XRCC4: variants seen among roughly 807,000 people sequenced by gnomAD.
The protein encoded by XRCC4 is DNA repair protein XRCC4.
XRCC4 carries 28 observed loss-of-function variants against 39.1 expected under a neutral mutation model. The observed-to-expected ratio is 0.72, with a 90% CI of 0.53 to 0.98. The LOEUF is 0.98. Ranked by LOEUF, XRCC4 falls within the 50% of genes least tolerant of loss-of-function variation. The pLI, the probability that XRCC4 is intolerant of heterozygous loss-of-function variation, is 0.00. For missense variants in XRCC4, 350 were observed against 376.4 expected (o/e 0.93, Z 0.58); for synonymous variants, 123 against 126.4 (o/e 0.97, Z 0.18).
At chr5:83,097,481 A>G (rs1016560780) in intron 1 of XRCC4, among the ~76,000 whole-genome samples, 7 of 152,054 alleles carry the variant, frequency 4.6e-5, no homozygotes, top group African/African-American at 1.7e-4. Flanking sequence ...GGAAAAAAGT[A>G]CATTGTTTAT....
intron 7 of XRCC4, among the ~76,000 whole-genome samples, chr5:83,307,711 G>A (rs926994552): frequency 6.6e-6 from 1 of 152,144 alleles, no homozygotes; most frequent in African/African-American, 2.4e-5. Flanking sequence ...TTATTTAGGA[G>A]CAGAAAGCAT....
chr5:83,186,901 A>G (rs1198910299), intron 3 of XRCC4, among the ~76,000 whole-genome samples: 3 of 151,790 alleles, frequency 2.0e-5, no homozygotes, highest in Non-Finnish European at 4.4e-5. Context: ...CCCCGTTTCT[A>G]GAAACCACAT....
chr5:83,251,793 G>C lies in XRCC4; in HGVS notation c.746-6737G>C, dbSNP rs544071363. On this transcript the variant is annotated intron_variant, in intron 6 of 7. Transcript: ENST00000396027. ...AGAGAGGAGGCTGACATTTGGGAAAGTTATGTAAACAGATGCAGACACATA... is the reference window on the plus strand; with the variant it reads ...AGAGAGGAGGCTGACATTTGGGAAACTTATGTAAACAGATGCAGACACATA... 2.0e-5 allele frequency among the ~76,000 whole-genome samples: 3 copies of C among 152,232 alleles called. No homozygotes were observed. In the South Asian group the frequency reaches 6.2e-4, roughly 32 times the overall value.
chr5:83,162,755 T>C (rs927134891), intron 3 of XRCC4, among the ~76,000 whole-genome samples: 1 of 152,138 alleles, frequency 6.6e-6, no homozygotes, highest in Admixed American at 6.6e-5. Context: ...CGCCTAACAA[T>C]GAATACGATG....
chr5:83,276,852 T>G (rs531724845), intron 7 of XRCC4, among the ~76,000 whole-genome samples: 324 of 151,654 alleles, frequency 2.1e-3, no homozygotes, highest in Non-Finnish European at 3.8e-3. Flanking sequence ...CAGAATCTTG[T>G]TATAATTTGT....
chr5:83,220,198 A>G (rs941232062), intron 6 of XRCC4, among the ~76,000 whole-genome samples: 1 of 152,142 alleles, frequency 6.6e-6, no homozygotes, highest in African/African-American at 2.4e-5. Context: ...TGCGTGGATC[A>G]TTTATTTGTT....
chr5:83,199,881 C>A (rs949414838), intron 4 of XRCC4, among the ~76,000 whole-genome samples: 8 of 152,028 alleles, frequency 5.3e-5, no homozygotes, highest in African/African-American at 1.9e-4. Context: ...GATGAAGTAT[C>A]ATTAGACCTT....
chr5:83,308,910 A>C lies in XRCC4; in HGVS notation c.894-44221A>C, dbSNP rs1305072546. Among the ~76,000 whole-genome samples the C allele has an allele frequency of 2.0e-5, 3 of 152,080 alleles. No individual in the cohort carries two copies. The East Asian group carries it at 5.8e-4, about 29-fold the overall frequency. ...TTTCAAATTTTTATACTCGTGTAGG[A>C]ATTCATGACATGAGAACCATATTTT... On this transcript the variant is annotated intron_variant, in intron 7 of 7. Coordinates refer to ENST00000396027, the MANE Select transcript of XRCC4 (RefSeq NM_003401.5).
intron 7 of XRCC4, among the ~76,000 whole-genome samples, chr5:83,291,951 CTGTGTGTGTG>C (rs34789998): frequency 0.02 from 2,860 of 144,008 alleles, 78 homozygotes; most frequent in African/African-American, 0.067. Flanking sequence ...ATGTGTATTT[CTGTGTGTGTG>C]TGTGTGTGTG....
intron 3 of XRCC4, among the ~76,000 whole-genome samples, chr5:83,147,922 G>A (rs1235823584): frequency 6.6e-6 from 1 of 151,650 alleles, no homozygotes; most frequent in Non-Finnish European, 1.5e-5. Flanking sequence ...TCCTTAGCTG[G>A]GATTACAGAC....
chr5:83,083,708 TAATTTTTGATTTGCAGTC>T (rs1275642189), intron 1 of XRCC4, among the ~76,000 whole-genome samples: 1 of 152,190 alleles, frequency 6.6e-6, no homozygotes, highest in African/African-American at 2.4e-5. Flanking sequence ...CATGAACCTG[TAATTTTTGATTTGCAGTC>T]TGAAACACTG....
At chr5:83,233,117 C>T (rs1411292450) in intron 6 of XRCC4, among the ~76,000 whole-genome samples, 2 of 152,126 alleles carry the variant, frequency 1.3e-5, no homozygotes, top group Admixed American at 1.3e-4. Flanking sequence ...AAGCCAAAAA[C>T]TAAGTTGTCA....
intron 7 of XRCC4, among the ~76,000 whole-genome samples, chr5:83,316,393 A>C (rs1477533550): frequency 6.6e-6 from 1 of 151,888 alleles, no homozygotes; most frequent in East Asian, 1.9e-4. Flanking sequence ...CTGCAATTAA[A>C]AGACACAGAC....
chr5:83,186,146 A>G (rs1750428129), intron 3 of XRCC4, among the ~76,000 whole-genome samples: 1 of 152,162 alleles, frequency 6.6e-6, no homozygotes, highest in African/African-American at 2.4e-5. Flanking sequence ...GTTTCTCAAT[A>G]CTTGTACTAT....
At chr5:83,159,143 G>C (rs958528779) in intron 3 of XRCC4, among the ~76,000 whole-genome samples, 4 of 152,104 alleles carry the variant, frequency 2.6e-5, no homozygotes, top group African/African-American at 9.7e-5. Context: ...GAGGTAGTAA[G>C]ATAGTTTGGA....
chr5:83,136,957 C>G (rs1453991092), intron 3 of XRCC4, among the ~76,000 whole-genome samples: 1 of 152,142 alleles, frequency 6.6e-6, no homozygotes, highest in Non-Finnish European at 1.5e-5. Flanking sequence ...TCTTCACAAA[C>G]ACACACAAAA....
Position 83,293,566 on chromosome 5 carries a change from A to C in XRCC4, c.893+34889A>C, listed in dbSNP as rs1316322405. ...AGACTTTCTTGGAAATCATGAGAAC[A>C]ATCTCTCTTTCCTCTTTGAGCTTGT... On this transcript the variant is annotated intron_variant, in intron 7 of 7. Transcript: ENST00000396027. Among the ~76,000 whole-genome samples the C allele has an allele frequency of 2.0e-5, 3 of 152,146 alleles. No homozygotes were observed. The East Asian group carries it at 5.8e-4, about 29-fold the overall frequency.
chr5:83,274,682 G>A (rs1370331982), intron 7 of XRCC4, among the ~76,000 whole-genome samples: 1 of 152,140 alleles, frequency 6.6e-6, no homozygotes, highest in African/African-American at 2.4e-5. Flanking sequence ...TAAATGACAA[G>A]CAGACATCCT....
At chr5:83,133,028 C>A (rs1747681837) in intron 3 of XRCC4, among the ~76,000 whole-genome samples, 1 of 152,136 alleles carries the variant, frequency 6.6e-6, no homozygotes, top group African/African-American at 2.4e-5. Flanking sequence ...GTTTTATCTA[C>A]CTTCGGTCTT....
Sources: gnomAD v4.1 joint callset for allele counts (sites outside exome capture counted in the v4.1 genomes callset) on GRCh38, gnomAD v4.1.1 for gene constraint, MANE v1.5 for transcripts, NCBI Gene and HGNC (gene_info 2026-07-23, HGNC 2026-07-21) for gene names.